SOX5: variants seen among roughly 807,000 people sequenced by gnomAD.
SOX5 encodes the protein SRY-box transcription factor 5, also known as transcription factor SOX-5.
Under a neutral mutation model 92.0 loss-of-function variants are expected in SOX5, and 9 were observed. The ratio of observed to expected loss-of-function variants is 0.10; its 90% confidence interval spans 0.06 to 0.17. The LOEUF (loss-of-function observed/expected upper bound fraction) is 0.17, where lower values mean the gene tolerates loss of function less well. Ranked by LOEUF, SOX5 falls within the 10% of genes least tolerant of loss-of-function variation. The pLI is 1.00. For missense variants in SOX5, 642 were observed against 944.5 expected (o/e 0.68, Z 4.20); for synonymous variants, 344 against 336.3 (o/e 1.02, Z -0.25).
chr12:23,969,789 C>T (rs750291498), intron 4 of SOX5, among the ~76,000 whole-genome samples: 3 of 152,140 alleles, frequency 2.0e-5, no homozygotes, highest in East Asian at 1.9e-4. Flanking sequence ...ACATCTGGAA[C>T]AATATTGAGC....
chr12:24,233,076 A>G (rs1392177240), intron 3 of SOX5, among the ~76,000 whole-genome samples: 1 of 152,154 alleles, frequency 6.6e-6, no homozygotes, highest in Non-Finnish European at 1.5e-5. Context: ...ATATTCAGAA[A>G]CTGTTCTCAG....
chr12:23,882,377 A>C (rs1418131920), intron 2 of SOX5, among the ~76,000 whole-genome samples: 4 of 152,082 alleles, frequency 2.6e-5, no homozygotes, highest in Non-Finnish European at 1.5e-5. Context: ...TATACTAAAA[A>C]AAAAAAACCA....
At chr12:24,483,147 T>C (rs1040106771) in intron 1 of SOX5, among the ~76,000 whole-genome samples, 2 of 152,222 alleles carry the variant, frequency 1.3e-5, no homozygotes, top group Non-Finnish European at 2.9e-5. Context: ...AGAAACATTT[T>C]AGATAGATTC....
intron 4 of SOX5, among the ~76,000 whole-genome samples, chr12:24,046,825 G>A (rs941478000): frequency 3.3e-5 from 5 of 149,612 alleles, no homozygotes; most frequent in African/African-American, 7.3e-5. Flanking sequence ...GATTACAGTC[G>A]CCCACCACCA....
At chr12:23,889,884 CA>C (rs2097110510) in intron 2 of SOX5, among the ~76,000 whole-genome samples, 1 of 152,002 alleles carries the variant, frequency 6.6e-6, no homozygotes, top group African/African-American at 2.4e-5. Flanking sequence ...AAAATGTCAT[CA>C]GTATAAACAA....
chr12:23,612,150 C>T (rs2076045428), intron 8 of SOX5, among the ~76,000 whole-genome samples: 1 of 151,842 alleles, frequency 6.6e-6, no homozygotes, highest in Non-Finnish European at 1.5e-5. Flanking sequence ...TCATATCAAA[C>T]ACCAGTATAT....
chr12:24,373,629 T>C (rs574744022), intron 1 of SOX5, among the ~76,000 whole-genome samples: 2 of 152,336 alleles, frequency 1.3e-5, no homozygotes, highest in South Asian at 2.1e-4. Flanking sequence ...TATTTTGATA[T>C]ATGCATATGG....
intron 1 of SOX5, among the ~76,000 whole-genome samples, chr12:23,945,599 G>A (rs936275763): frequency 1.3e-5 from 2 of 152,152 alleles, no homozygotes; most frequent in African/African-American, 2.4e-5. Context: ...TTATTGACAC[G>A]GTAATTAAAA....
chr12:24,411,833 G>T (rs1003793350), intron 1 of SOX5, among the ~76,000 whole-genome samples: 1 of 151,978 alleles, frequency 6.6e-6, no homozygotes, highest in Non-Finnish European at 1.5e-5. Flanking sequence ...ATGGCTTTCT[G>T]GGGGAGATTG....
intron 2 of SOX5, among the ~76,000 whole-genome samples, chr12:24,292,867 C>T (rs1459725585): frequency 6.6e-6 from 1 of 152,218 alleles, no homozygotes; most frequent in Non-Finnish European, 1.5e-5. Flanking sequence ...CCACTACCCG[C>T]GTACTTCAAG....
At chr12:24,246,497 C>CT (rs909513975) in intron 3 of SOX5, among the ~76,000 whole-genome samples, 65 of 147,362 alleles carry the variant, frequency 4.4e-4, no homozygotes, top group South Asian at 1.1e-3. Flanking sequence ...ATGTTATCAA[C>CT]TTTTTTTTTT....
intron 9 of SOX5, among the ~76,000 whole-genome samples, chr12:23,578,147 A>C (rs959385644): frequency 3.0e-5 from 4 of 134,748 alleles, no homozygotes; most frequent in African/African-American, 5.4e-5. Flanking sequence ...AAAAAAAAAA[A>C]AAACTATAGG....
At chr12:23,957,641 A>G (rs1240104572) in intron 4 of SOX5, among the ~76,000 whole-genome samples, 3 of 152,172 alleles carry the variant, frequency 2.0e-5, no homozygotes, top group African/African-American at 7.2e-5. Flanking sequence ...TTGTGTGGAC[A>G]CTCTGAAGAG....
At chr12:24,075,105 T>TA (rs1040552727) in intron 4 of SOX5, among the ~76,000 whole-genome samples, 4 of 149,914 alleles carry the variant, frequency 2.7e-5, no homozygotes, top group Non-Finnish European at 5.9e-5. Flanking sequence ...CTACAAAAAA[T>TA]AAAAAAAATA....
At position 24,393,395 on chromosome 12, in the gene SOX5, G is replaced by A. The variant is rs560538680; in HGVS notation, c.-250-24756C>T. Among the ~76,000 whole-genome samples, 24 of 152,274 alleles carry A rather than the reference G, an allele frequency of 1.6e-4. No individual in the cohort carries two copies. In the South Asian group the frequency reaches 3.7e-3, roughly 24 times the overall value. ...ACACAATTACAGGCCAATCAGGGTC[G>A]GAGATAACAGAATGACAATCCAGTA... On this transcript the variant is annotated intron_variant, in intron 1 of 4. Coordinates refer to the SOX5 transcript ENST00000446891. The surrounding 1 kb of genome is among the most constrained non-coding windows in gnomAD (Gnocchi z 5.0).
In SOX5 at chr12:24,114,284, A is replaced by G. The variant is rs577143006; in HGVS notation, c.-2+99059T>C. Reference sequence around the variant, plus strand: ...AAAAAAATCTTAAATTAAAATATTCAAAGACATAAAAGACGAGAACAGTGG... The same window carrying G: ...AAAAAAATCTTAAATTAAAATATTCGAAGACATAAAAGACGAGAACAGTGG... On this transcript the variant is annotated intron_variant, in intron 4 of 4. Transcript: ENST00000446891. Among the ~76,000 whole-genome samples, 24 of 152,232 alleles carry G rather than the reference A, an allele frequency of 1.6e-4. No homozygotes were observed. The South Asian group carries it at 5.0e-3, about 32-fold the overall frequency.
At chr12:23,674,819 A>AAT (rs1268083017) in intron 6 of SOX5, among the ~76,000 whole-genome samples, 2 of 151,818 alleles carry the variant, frequency 1.3e-5, no homozygotes, top group Admixed American at 1.3e-4. Flanking sequence ...ACTACTATGT[A>AAT]ATATATATAC....
chr12:23,881,764 A>T (rs1209330904), intron 2 of SOX5, among the ~76,000 whole-genome samples: 4 of 152,326 alleles, frequency 2.6e-5, no homozygotes, highest in Middle Eastern at 6.8e-3. Flanking sequence ...CATTTTGGAG[A>T]TATTCAGTGT....
In SOX5 at chr12:23,859,345, G is replaced by A. The variant is rs150083737; in HGVS notation, c.271-13152C>T. ...TCCAGGGGTAGGCCTACAGACGACC[G>A]CTCTGGGAATGTTTGTCTTATGCAG... is the stretch of plus-strand genomic sequence containing the variant. On this transcript the variant is annotated intron_variant, in intron 2 of 14. Transcript: ENST00000451604. Among the ~76,000 whole-genome samples, 833 of 152,206 alleles carry A rather than the reference G, an allele frequency of 5.5e-3. 4 individuals are homozygous for A. Among genetic ancestry groups the A allele is most frequent in the Non-Finnish European group, 8.6e-3 (585 of 67,994 alleles).
Sources: gnomAD v4.1 joint callset for allele counts (sites outside exome capture counted in the v4.1 genomes callset) on GRCh38, gnomAD v4.1.1 for gene constraint, Gnocchi (gnomAD v3.1) non-coding constraint, MANE v1.5 for transcripts, NCBI Gene and HGNC (gene_info 2026-07-23, HGNC 2026-07-21) for gene names.